MED13: variants seen among roughly 807,000 people sequenced by gnomAD.
MED13 encodes mediator of RNA polymerase II transcription subunit 13.
Under a neutral mutation model 225.2 loss-of-function variants are expected in MED13, and 23 were observed. That is an observed-to-expected ratio of 0.10 (90% CI 0.07 to 0.14). The LOEUF is 0.14. Among genes scored for constraint, MED13 ranks in the 10% least tolerant of loss-of-function variants. The pLI, the probability that MED13 is intolerant of heterozygous loss-of-function variation, is 1.00. For synonymous variants in MED13, 942 were observed against 889.2 expected (o/e 1.06, Z -1.06); for missense variants, 2,197 against 2,594.5 (o/e 0.85, Z 3.33).
chr17:62,031,691 T>C, intron 5 of MED13, 53 bp from the exon 6 acceptor site: 1 of 1,216,570 alleles, frequency 8.2e-7, no homozygotes, highest in Non-Finnish European at 1.1e-6. Context: ...GACTAGTGAA[T>C]TAGTTTCACT....
intron 2 of MED13, among the ~76,000 whole-genome samples, chr17:62,057,801 A>G (rs1052626834): frequency 2.6e-5 from 4 of 152,362 alleles, no homozygotes; most frequent in Middle Eastern, 3.4e-3. Flanking sequence ...GCCAGGAAAA[A>G]GAACAAATAT....
chr17:62,048,448 T>C (rs996046133), intron 3 of MED13, among the ~76,000 whole-genome samples: 1 of 119,920 alleles, frequency 8.3e-6, no homozygotes, highest in African/African-American at 3.1e-5. Context: ...GCAGAAGGAA[T>C]GAAAGTTCAA....
intron 21 of MED13, among the ~76,000 whole-genome samples, chr17:61,962,083 A>T (rs1458243065): frequency 2.6e-5 from 4 of 152,074 alleles, no homozygotes; most frequent in Non-Finnish European, 5.9e-5. Flanking sequence ...GTCAAGAGAT[A>T]GAGACCATCC....
chr17:62,012,828 C>G (rs1434439633), intron 8 of MED13, among the ~76,000 whole-genome samples: 2 of 151,306 alleles, frequency 1.3e-5, no homozygotes, highest in African/African-American at 2.4e-5. Context: ...GAGTCTCACT[C>G]TGTTGCCAGG....
intron 2 of MED13, among the ~76,000 whole-genome samples, chr17:62,053,812 T>C (rs901691273): frequency 6.6e-6 from 1 of 152,130 alleles, no homozygotes; most frequent in Non-Finnish European, 1.5e-5. Flanking sequence ...AGCAAAGACA[T>C]GTATTAAGAG....
At chr17:62,015,929 TATATATATATATATATATATATA>T (rs1567979602) in intron 8 of MED13, among the ~76,000 whole-genome samples, 10 of 6,918 alleles carry the variant, frequency 1.4e-3, no homozygotes, top group Non-Finnish European at 2.8e-3. Context: ...TATATATATA[TATATATATATATATATATATATA>T]TATTTTTTTT....
At position 61,960,929 on chromosome 17, in the gene MED13, A is replaced by C; in HGVS notation, c.5418T>G (p.Ser1806=). Residue 1806 remains serine (S), a synonymous_variant, in exon 23 of 30, where the codon TCT becomes TCG. Transcript: ENST00000397786. Reference sequence around the variant, plus strand: ...AAAGTTCTCCATATAGATCTGTGCAAGATGCAAGAATCCACCTTTGATCAT... The same window carrying C: ...AAAGTTCTCCATATAGATCTGTGCACGATGCAAGAATCCACCTTTGATCAT... ...LSHDQRWILA[S]CTDLYGELLE... 6.2e-7 allele frequency: 1 copy of C among 1,613,868 alleles called. No homozygotes were observed. The highest frequency in any genetic ancestry group is 8.5e-7 in the Non-Finnish European group (1 of 1,179,948).
At chr17:62,044,535 C>A (rs534843976) in intron 3 of MED13, among the ~76,000 whole-genome samples, 4 of 152,236 alleles carry the variant, frequency 2.6e-5, no homozygotes, top group African/African-American at 9.6e-5. Flanking sequence ...CATATTGAAC[C>A]AAATATTTAA....
At chr17:61,963,202 C>CAAAAAAAAAAAAAAAAAAAAAAAAAA (rs11290002) in intron 20 of MED13, among the ~76,000 whole-genome samples, 7 of 55,772 alleles carry the variant, frequency 1.3e-4, no homozygotes, top group Non-Finnish European at 1.5e-4. Flanking sequence ...TTAAATTTAC[C>CAAAAAAAAAAAAAAAAAAAAAAAAAA]AAAAAAAAAA....
intron 11 of MED13, among the ~76,000 whole-genome samples, chr17:61,987,573 AAG>A (rs1275881720): frequency 6.6e-6 from 1 of 152,178 alleles, no homozygotes; most frequent in Non-Finnish European, 1.5e-5. Flanking sequence ...AAAATCGAGA[AAG>A]TGTTTTTATA....
intron 23 of MED13, 135 bp from the exon 24 acceptor site, chr17:61,956,616 G>A: frequency 1.3e-6 from 1 of 750,938 alleles, no homozygotes; most frequent in Non-Finnish European, 2.1e-6. Context: ...TCGGCTCACT[G>A]CAACCTCCAC....
chr17:61,984,600 C>A, intron 14 of MED13, 51 bp downstream of exon 14: 3 of 1,466,674 alleles, frequency 2.0e-6, no homozygotes, highest in East Asian at 2.4e-5. Context: ...CAAATTAATT[C>A]TATAAGAAAA....
intron 3 of MED13, among the ~76,000 whole-genome samples, chr17:62,037,404 C>A (rs2080813131): frequency 6.6e-6 from 1 of 152,066 alleles, no homozygotes; most frequent in African/African-American, 2.4e-5. Flanking sequence ...GTGGCTCATG[C>A]CTGTAATCCC....
chr17:61,993,944 CAAACA>C (rs941031386), intron 10 of MED13, among the ~76,000 whole-genome samples: 10 of 114,706 alleles, frequency 8.7e-5, no homozygotes, highest in African/African-American at 3.9e-4. Context: ...AACAAACAAA[CAAACA>C]AAAAAAAAAA....
chr17:62,009,757 G>A (rs1159945582), intron 9 of MED13, among the ~76,000 whole-genome samples: 1 of 151,994 alleles, frequency 6.6e-6, no homozygotes, highest in Non-Finnish European at 1.5e-5. Context: ...AAGTAAACAA[G>A]GAAATGTGTA....
chr17:61,980,956 C>A (rs141406779), intron 16 of MED13, among the ~76,000 whole-genome samples: 1,993 of 152,038 alleles, frequency 0.013, 41 homozygotes, highest in African/African-American at 0.045. Context: ...AAACTCCTGG[C>A]CTCATGATCT....
intron 18 of MED13, among the ~76,000 whole-genome samples, chr17:61,967,353 A>T (rs2080067811): frequency 6.6e-6 from 1 of 152,206 alleles, no homozygotes; most frequent in Admixed American, 6.5e-5. Flanking sequence ...CCTTTGGGAA[A>T]TGTTTATTTA....
Position 61,962,831 on chromosome 17 carries a change from C to A in MED13, c.4985G>T (p.Trp1662Leu), listed in dbSNP as rs373798321. ...AAAGCATCGAAGTAGCCCCAATGTC[C>A]ACACACTAGAAGAGTTAGTGCTCTC... ...TDESTNSSSV[W>L]TLGLLRCFLE... Residue 1662 changes from tryptophan to leucine, a missense_variant, in exon 21 of 30, where the codon TGG becomes TTG. Trp to Leu is a moderately conservative substitution (Grantham distance 61). Coordinates refer to ENST00000397786, the MANE Select transcript of MED13 (RefSeq NM_005121.3). 6 of 1,614,052 alleles carry A rather than the reference C, an allele frequency of 3.7e-6. No individual in the cohort carries two copies. Among genetic ancestry groups the A allele is most frequent in the Non-Finnish European group, 5.1e-6 (6 of 1,179,998 alleles).
At chr17:62,048,029 TAC>T (rs2080914201) in intron 3 of MED13, among the ~76,000 whole-genome samples, 2 of 123,286 alleles carry the variant, frequency 1.6e-5, no homozygotes, top group South Asian at 6.1e-4. Context: ...TATATACATA[TAC>T]ATATACATAT....
Sources: gnomAD v4.1 joint callset for allele counts (sites outside exome capture counted in the v4.1 genomes callset) on GRCh38, gnomAD v4.1.1 for gene constraint, MANE v1.5 for transcripts, NCBI Gene and HGNC (gene_info 2026-07-23, HGNC 2026-07-21) for gene names.